Variants in ZFC3H1 observed in about 807,000 individuals in gnomAD.
ZFC3H1 encodes zinc finger C3H1-type containing, also known as zinc finger C3H1 domain-containing protein.
A neutral mutation model predicts 243.7 loss-of-function variants in ZFC3H1; 71 were observed. That is an observed-to-expected ratio of 0.29 (90% CI 0.24 to 0.36). The LOEUF is 0.36. Ranked by LOEUF, ZFC3H1 falls within the 10% of genes least tolerant of loss-of-function variation. ZFC3H1 has a pLI of 1.00. For missense variants in ZFC3H1, 1,966 were observed against 2,317.1 expected (o/e 0.85, Z 3.11); for synonymous variants, 838 against 813.0 (o/e 1.03, Z -0.52).
intron 27 of ZFC3H1, among the ~76,000 whole-genome samples, chr12:71,618,633 CT>C (rs144137071): frequency 0.058 from 8,853 of 152,170 alleles, 358 homozygotes; most frequent in South Asian, 0.087. Context: ...ACATGGCCTG[CT>C]AACCTAAAAT....
rs555037058 is a variant in ZFC3H1 at position 71,640,173 on chromosome 12, C to T, written c.1628-1658G>A. Reference sequence around the variant, plus strand: ...AGTAGCTGGGACTGCAGGGGTGAGCCACCACTACTGGCTAATTTTTGTATT... The same window carrying T: ...AGTAGCTGGGACTGCAGGGGTGAGCTACCACTACTGGCTAATTTTTGTATT... On this transcript the variant is annotated intron_variant, in intron 6 of 34. Coordinates refer to ENST00000378743, the MANE Select transcript of ZFC3H1 (RefSeq NM_144982.5). 9.2e-5 allele frequency among the ~76,000 whole-genome samples: 14 copies of T among 152,302 alleles called. 1 individual carries two copies. In the South Asian group the frequency reaches 2.3e-3, roughly 25 times the overall value.
rs541030404 is a variant in ZFC3H1, at chr12:71,656,751, G to A, written c.1015+134C>T. The stretch of plus-strand genomic sequence containing the variant: ...AAAATTAGTAATTATTCAATGATAT[G>A]AATGTCTACATAGAAAGTACAAAAG... On this transcript the variant is annotated intron_variant, in intron 2 of 34. Coordinates refer to ENST00000378743, the MANE Select transcript of ZFC3H1 (RefSeq NM_144982.5). The A allele has an allele frequency of 1.4e-3, 1,268 of 886,698 alleles. 1 individual carries two copies. The highest frequency in any genetic ancestry group is 2.1e-3 in the Middle Eastern group (6 of 2,822). 54.9% of individuals were successfully genotyped at this position (886,698 alleles called of 1,614,324 possible). A position where few individuals can be genotyped will look rare whatever the true frequency, so the allele number is the denominator to read the frequency against.
At chr12:71,637,121 G>A in intron 7 of ZFC3H1, 62 bp from the exon 8 acceptor site, 2 of 1,372,208 alleles carry the variant, frequency 1.5e-6, no homozygotes. Flanking sequence ...GCTTCTCTCT[G>A]CAGCAATATT....
intron 5 of ZFC3H1, among the ~76,000 whole-genome samples, chr12:71,643,626 TAC>T (rs1270553241): frequency 1.3e-5 from 2 of 152,162 alleles, no homozygotes; most frequent in African/African-American, 2.4e-5. Flanking sequence ...TATATTTATA[TAC>T]ATAGTAAATG....
chr12:71,632,262 G>A lies in ZFC3H1; in HGVS notation c.3070C>T (p.Leu1024=), dbSNP rs761669978. The A allele has an allele frequency of 3.6e-5, 58 of 1,613,668 alleles. No homozygotes were observed. The highest frequency in any genetic ancestry group is 4.9e-5 in the Non-Finnish European group (58 of 1,179,860). ...LHDLTQDKLT[L]DTEENDVDDE... is the part of the protein sequence containing the mutation. ...TCAACATCATTTTCTTCAGTGTCCA[G>A]GGTTAATTTATCTTGTGTCAGATCA... is the stretch of plus-strand genomic sequence containing the variant. Residue 1024 remains leucine (L), a synonymous_variant, in exon 15 of 35, where the codon CTG becomes TTG. Transcript: ENST00000378743.
chr12:71,618,429 G>A (rs1249903612), intron 27 of ZFC3H1, among the ~76,000 whole-genome samples: 1 of 151,940 alleles, frequency 6.6e-6, no homozygotes, highest in Non-Finnish European at 1.5e-5. Context: ...TTCTTCTCTT[G>A]TTCTTCCTAA....
In ZFC3H1 at chr12:71,636,482, G is replaced by A. The variant is rs754310648; in HGVS notation, c.2100+8C>T. The A allele has an allele frequency of 1.4e-5, 23 of 1,593,398 alleles. 1 individual carries two copies. The South Asian group carries it at 2.3e-4, about 16-fold the overall frequency. On this transcript the variant is annotated splice_region_variant and intron_variant, in intron 9 of 34. Transcript: ENST00000378743. Reference sequence around the variant, plus strand: ...TGAATAAAAGTAGCATTAAATTTTTGTTTTTACCGAGATCACAGTTCGTGG... The same window carrying A: ...TGAATAAAAGTAGCATTAAATTTTTATTTTTACCGAGATCACAGTTCGTGG...
chr12:71,629,546 A>G, intron 19 of ZFC3H1, 63 bp downstream of exon 19: 4 of 1,031,630 alleles, frequency 3.9e-6, no homozygotes, highest in Non-Finnish European at 5.6e-6. Context: ...CTTTTCAGAA[A>G]GAGATACAGT....
At chr12:71,633,600 T>C (rs1041293958) in intron 12 of ZFC3H1, among the ~76,000 whole-genome samples, 162 bp from the exon 13 acceptor site, 1 of 152,170 alleles carries the variant, frequency 6.6e-6, no homozygotes, top group Non-Finnish European at 1.5e-5. Context: ...CACACAGGTA[T>C]TTAAATTAAC....
At chr12:71,612,595 C>T (rs1016326984) in intron 31 of ZFC3H1, among the ~76,000 whole-genome samples, 1 of 152,078 alleles carries the variant, frequency 6.6e-6, no homozygotes, top group Non-Finnish European at 1.5e-5. Flanking sequence ...ATACGATTTT[C>T]CCCACATACA....
At chr12:71,614,405 G>T (rs916070245) in intron 30 of ZFC3H1, 130 bp downstream of exon 30, 3 of 823,610 alleles carry the variant, frequency 3.6e-6, no homozygotes, top group Non-Finnish European at 5.2e-6. Flanking sequence ...ACATAGTCAA[G>T]AATAATAGTG....
At chr12:71,616,469 A>C (rs1185699884) in intron 27 of ZFC3H1, among the ~76,000 whole-genome samples, 1 of 152,212 alleles carries the variant, frequency 6.6e-6, no homozygotes, top group Non-Finnish European at 1.5e-5. Flanking sequence ...AGGTTGGGAA[A>C]TACTACAAAT....
intron 2 of ZFC3H1, among the ~76,000 whole-genome samples, chr12:71,654,094 G>A (rs776606512): frequency 8.6e-5 from 13 of 151,840 alleles, no homozygotes; most frequent in Non-Finnish European, 1.6e-4. Flanking sequence ...AAGAGTAAAC[G>A]GAAATCGTTT....
At chr12:71,613,692 T>C in intron 30 of ZFC3H1, 1 of 305,106 alleles carries the variant, frequency 3.3e-6, no homozygotes, top group Admixed American at 4.9e-5. Flanking sequence ...TTTTCATTCC[T>C]GAGTCTACCT....
chr12:71,650,032 C>CA (rs1479395143), intron 2 of ZFC3H1, among the ~76,000 whole-genome samples: 2 of 152,080 alleles, frequency 1.3e-5, no homozygotes, highest in African/African-American at 4.8e-5. Flanking sequence ...ACCAAAAATA[C>CA]AAAAAATTAG....
In ZFC3H1 at chr12:71,634,302, C is replaced by T. The variant is rs769225334; in HGVS notation, c.2363G>A (p.Arg788His). 39 of 1,611,234 alleles carry T rather than the reference C, an allele frequency of 2.4e-5. No individual in the cohort carries two copies. Among genetic ancestry groups the T allele is most frequent in the East Asian group, 6.7e-5 (3 of 44,848 alleles). Residue 788 changes from arginine (R) to histidine (H), a missense_variant and splice_region_variant, in exon 12 of 35, where the codon CGT (arginine) becomes CAT (histidine). Around this residue, in one of 4 missense-constraint regions of ZFC3H1, gnomAD observed 1,383 missense variants for 1,723.7 expected, o/e 0.80. Transcript: ENST00000378743. ...TGATTTAATCAAACGCTGTTTCTCA[C>T]GGCTAAAATTATCAAAAAGGATATA... is the stretch of plus-strand genomic sequence containing the variant. The part of the protein sequence containing the change: ...YRLLKEEIAN[R>H]EKQRLIKSDQ...
At chr12:71,650,382 C>G (rs541106473) in intron 2 of ZFC3H1, among the ~76,000 whole-genome samples, 1 of 152,144 alleles carries the variant, frequency 6.6e-6, no homozygotes, top group South Asian at 2.1e-4. Flanking sequence ...AAATGGGTAG[C>G]TAGACATTGT....
intron 18 of ZFC3H1, 40 bp from the exon 19 acceptor site, chr12:71,629,750 T>C: frequency 8.2e-7 from 1 of 1,225,740 alleles, no homozygotes; most frequent in East Asian, 2.3e-5. Flanking sequence ...TAAATATCAA[T>C]TACAGAGACT....
chr12:71,627,049 T>C (rs1295208253), intron 21 of ZFC3H1, among the ~76,000 whole-genome samples: 1 of 152,054 alleles, frequency 6.6e-6, no homozygotes, highest in Non-Finnish European at 1.5e-5. Context: ...CATCCAGGCA[T>C]GTGTGGGTTT....
Sources: allele counts gnomAD v4.1 joint callset (sites outside exome capture counted in the v4.1 genomes callset), GRCh38; gene constraint gnomAD v4.1.1; regional missense constraint gnomAD v4.1.1; transcripts MANE v1.5; gene names NCBI Gene and HGNC (gene_info 2026-07-23, HGNC 2026-07-21).